Variants in MAML3 observed in about 807,000 individuals in gnomAD.
MAML3 encodes the protein mastermind like transcriptional coactivator 3.
In MAML3, 27 loss-of-function variants were observed where a neutral mutation model predicts 101.9. The observed-to-expected ratio is 0.27, with a 90% confidence interval of 0.20 to 0.37. The LOEUF is 0.37. MAML3 is among the 10% of genes least tolerant of loss of function. The pLI is 1.00. For missense variants in MAML3, 1,316 were observed against 1,444.9 expected (o/e 0.91, Z 1.45); for synonymous variants, 501 against 555.9 (o/e 0.90, Z 1.39).
rs143985890 is a variant in MAML3, at chr4:140,129,405, A to G, written c.468+23455T>C. ...TCCCCCCTACCCCCAATTCTTATGC[A>G]TACCTTCTTTGCATGAGACACTTAT... On this transcript the variant is annotated intron_variant, in intron 1 of 4. Coordinates refer to ENST00000509479, the MANE Select transcript of MAML3 (RefSeq NM_018717.5). Among the ~76,000 whole-genome samples, 240 of 152,334 alleles carry G rather than the reference A, an allele frequency of 1.6e-3. 1 individual carries two copies. Among genetic ancestry groups the G allele is most frequent in the African/African-American group, 5.6e-3 (232 of 41,564 alleles).
At chr4:140,068,007 A>G (rs1322867903) in intron 1 of MAML3, among the ~76,000 whole-genome samples, 1 of 152,196 alleles carries the variant, frequency 6.6e-6, no homozygotes, top group African/African-American at 2.4e-5. Flanking sequence ...CTGGAATTAT[A>G]GACGTGAGCC....
intron 2 of MAML3, among the ~76,000 whole-genome samples, chr4:139,804,360 G>A (rs746077850): frequency 7.3e-5 from 11 of 151,394 alleles, no homozygotes; most frequent in South Asian, 2.1e-4. Flanking sequence ...TCCGCCTCCC[G>A]GGTTCAAGCG....
chr4:140,065,298 C>T (rs1383555694), intron 1 of MAML3, among the ~76,000 whole-genome samples: 5 of 148,610 alleles, frequency 3.4e-5, no homozygotes, highest in Non-Finnish European at 6.0e-5. Flanking sequence ...TTTTTTTTTT[C>T]CCCGAGAAAA....
At chr4:139,800,247 G>T (rs1027540370) in intron 2 of MAML3, among the ~76,000 whole-genome samples, 10 of 152,268 alleles carry the variant, frequency 6.6e-5, no homozygotes, top group Admixed American at 6.5e-4. Context: ...GGAGTGGTTA[G>T]AACAGGAAGA....
intron 2 of MAML3, among the ~76,000 whole-genome samples, chr4:139,807,677 T>G (rs1486952728): frequency 2.0e-5 from 3 of 152,230 alleles, no homozygotes; most frequent in Non-Finnish European, 4.4e-5. Flanking sequence ...ACACGTGAGC[T>G]ACACTGGGAG....
At chr4:140,102,445 C>G (rs1343089538) in intron 1 of MAML3, among the ~76,000 whole-genome samples, 1 of 152,222 alleles carries the variant, frequency 6.6e-6, no homozygotes, top group African/African-American at 2.4e-5. Flanking sequence ...CTCCTGAGGC[C>G]TCTATCCTTG....
intron 2 of MAML3, among the ~76,000 whole-genome samples, chr4:139,774,963 G>A (rs182068180): frequency 1.6e-4 from 25 of 152,264 alleles, no homozygotes; most frequent in Admixed American, 1.3e-3. Flanking sequence ...CTGGGATGGG[G>A]CCAAACTCTC....
intron 1 of MAML3, among the ~76,000 whole-genome samples, chr4:139,913,732 C>T (rs930876709): frequency 2.0e-5 from 3 of 152,208 alleles, no homozygotes; most frequent in Admixed American, 6.5e-5. Flanking sequence ...CAGAAGACTA[C>T]GGCGGGCGCC....
At chr4:139,834,855 G>T (rs1731231029) in intron 2 of MAML3, among the ~76,000 whole-genome samples, 2 of 152,188 alleles carry the variant, frequency 1.3e-5, no homozygotes, top group Non-Finnish European at 2.9e-5. Flanking sequence ...GGGAGGGAGG[G>T]TTAAGTCTAG....
intron 1 of MAML3, among the ~76,000 whole-genome samples, chr4:140,082,340 T>A (rs1357324110): frequency 6.6e-6 from 1 of 152,226 alleles, no homozygotes; most frequent in African/African-American, 2.4e-5. Context: ...CTTTCATTTT[T>A]CAGGCCTCGT....
Position 139,719,719 on chromosome 4 carries a change from G to A in MAML3, c.3021C>T (p.Ser1007=). Residue 1007 remains serine (S), a synonymous_variant, in exon 5 of 5, where the codon AGC becomes AGT. Coordinates refer to ENST00000509479, the MANE Select transcript of MAML3 (RefSeq NM_018717.5). Reference sequence around the variant, plus strand: ...CCGTGTTAGCATCCACGACTGACTGGCTCAGTCCCTGTGGGAAGTGCTGCT... The same window carrying A: ...CCGTGTTAGCATCCACGACTGACTGACTCAGTCCCTGTGGGAAGTGCTGCT... ...LTKQHFPQGL[S]QSVVDANTGT... is the part of the protein sequence containing the mutation. 6.2e-7 allele frequency: 1 copy of A among 1,613,630 alleles called. No homozygotes were observed. The highest frequency in any genetic ancestry group is 8.5e-7 in the Non-Finnish European group (1 of 1,179,800).
At chr4:139,742,503 A>G (rs369084764) in intron 2 of MAML3, among the ~76,000 whole-genome samples, 2 of 152,286 alleles carry the variant, frequency 1.3e-5, no homozygotes, top group East Asian at 3.9e-4. Flanking sequence ...ATGATTCAGC[A>G]GTGCTTGGCT....
At position 139,835,865 on chromosome 4, in the gene MAML3, C is replaced by G. The variant is rs558034951; in HGVS notation, c.2079+53492G>C. 3.6e-4 allele frequency among the ~76,000 whole-genome samples: 55 copies of G among 152,192 alleles called. 1 individual carries two copies. In the South Asian group the frequency reaches 0.011, roughly 32 times the overall value. On this transcript the variant is annotated intron_variant, in intron 2 of 4. Coordinates refer to ENST00000509479, the MANE Select transcript of MAML3 (RefSeq NM_018717.5). ...GTGGCTCAAAGGAAGTCAATTTAAA[C>G]GCAAAGATGATGGGAAAAATTCCAT... is the stretch of plus-strand genomic sequence containing the variant.
At chr4:139,833,973 C>A (rs1171402502) in intron 2 of MAML3, among the ~76,000 whole-genome samples, 2 of 152,064 alleles carry the variant, frequency 1.3e-5, no homozygotes, top group African/African-American at 2.4e-5. Context: ...GAGGAAAAAC[C>A]AGTGAAAGAA....
chr4:139,947,788 T>G (rs1733757140), intron 1 of MAML3, among the ~76,000 whole-genome samples: 1 of 152,100 alleles, frequency 6.6e-6, no homozygotes, highest in African/African-American at 2.4e-5. Context: ...TTATTCTCAA[T>G]TAGGATTTCT....
chr4:139,885,150 C>G (rs1359710253), intron 2 of MAML3, among the ~76,000 whole-genome samples: 1 of 152,084 alleles, frequency 6.6e-6, no homozygotes, highest in African/African-American at 2.4e-5. Context: ...CCTGTAATCC[C>G]AGCACTATGG....
At chr4:140,130,042 G>A (rs768042269) in intron 1 of MAML3, among the ~76,000 whole-genome samples, 51 of 151,764 alleles carry the variant, frequency 3.4e-4, no homozygotes, top group South Asian at 2.1e-4. Flanking sequence ...TGTGGAAAAC[G>A]CACCAATAAT....
chr4:140,021,310 C>T (rs933354640), intron 1 of MAML3, among the ~76,000 whole-genome samples: 1 of 152,062 alleles, frequency 6.6e-6, no homozygotes, highest in Non-Finnish European at 1.5e-5. Flanking sequence ...GTATGGACTA[C>T]TTAAGCAATA....
intron 1 of MAML3, among the ~76,000 whole-genome samples, chr4:139,906,313 C>T (rs1732821261): frequency 6.6e-6 from 1 of 152,176 alleles, no homozygotes; most frequent in African/African-American, 2.4e-5. Flanking sequence ...TTCACATTCA[C>T]TCCTTAACTA....
Sources: allele counts gnomAD v4.1 joint callset (sites outside exome capture counted in the v4.1 genomes callset), GRCh38; gene constraint gnomAD v4.1.1; transcripts MANE v1.5; gene names NCBI Gene and HGNC (gene_info 2026-07-23, HGNC 2026-07-21).